GMDS: variants seen among roughly 807,000 people sequenced by gnomAD.
The protein encoded by GMDS is GDP-mannose 4,6-dehydratase, also known as GDP-mannose 4,6 dehydratase.
Under a neutral mutation model 49.9 loss-of-function variants are expected in GMDS, and 20 were observed. The observed-to-expected ratio is 0.40, with a 90% CI of 0.28 to 0.58. The LOEUF (loss-of-function observed/expected upper bound fraction) is 0.58, where lower values mean the gene tolerates loss of function less well. Ranked by LOEUF, GMDS falls within the 20% of genes least tolerant of loss-of-function variation. The probability of loss-of-function intolerance (pLI) is 0.42; values close to 1 mark genes in which losing one functional copy is unlikely to be tolerated. For missense variants in GMDS, 362 were observed against 481.4 expected, an observed-to-expected ratio of 0.75 and a Z score of 2.32; for synonymous variants, 177 against 178.6, an observed-to-expected ratio of 0.99 and a Z score of 0.07.
At chr6:1,656,133 A>T (rs564006714) in intron 9 of GMDS, among the ~76,000 whole-genome samples, 11 of 152,342 alleles carry the variant, frequency 7.2e-5, no homozygotes, top group African/African-American at 2.4e-4. Flanking sequence ...TTTTATTTAT[A>T]CAAGTTGATC....
chr6:2,016,076 A>C (rs553993032), intron 4 of GMDS, among the ~76,000 whole-genome samples: 1 of 114,888 alleles, frequency 8.7e-6, no homozygotes, highest in Non-Finnish European at 1.8e-5. Context: ...CTAAAAAAAA[A>C]AAAAATAAAT....
chr6:2,208,080 A>T (rs937541427), intron 1 of GMDS, among the ~76,000 whole-genome samples: 1 of 151,874 alleles, frequency 6.6e-6, no homozygotes, highest in Non-Finnish European at 1.5e-5. Flanking sequence ...CTCTGTTAGG[A>T]TTAGGTGAAG....
chr6:1,847,072 A>C (rs1052534575), intron 7 of GMDS, among the ~76,000 whole-genome samples: 3 of 152,098 alleles, frequency 2.0e-5, no homozygotes, highest in Admixed American at 6.5e-5. Context: ...CCCTTTTTAA[A>C]ATAAAAGACG....
rs114155726 is a variant in GMDS at position 1,806,310 on chromosome 6, G to A, written c.772-63724C>T. On this transcript the variant is annotated intron_variant, in intron 7 of 10. Coordinates refer to ENST00000380815, the MANE Select transcript of GMDS (RefSeq NM_001500.4). ...AAAGGTTCTTATAAATTGAAAACTC[G>A]GTTTTGGATTAGAGAGGCAGATTCC... Among the ~76,000 whole-genome samples, 646 of 152,162 alleles carry A rather than the reference G, an allele frequency of 4.2e-3. 2 individuals carry two copies. Among genetic ancestry groups the A allele is most frequent in the African/African-American group, 0.015 (611 of 41,502 alleles).
intron 9 of GMDS, among the ~76,000 whole-genome samples, chr6:1,677,379 A>T (rs1420953415): frequency 1.3e-5 from 2 of 152,172 alleles, no homozygotes; most frequent in Non-Finnish European, 2.9e-5. Flanking sequence ...ATTGTGGAAG[A>T]CAGTGTGGCG....
At chr6:2,046,929 C>T (rs1377551810) in intron 4 of GMDS, among the ~76,000 whole-genome samples, 1 of 152,188 alleles carries the variant, frequency 6.6e-6, no homozygotes, top group African/African-American at 2.4e-5. Context: ...TATCCCCCAA[C>T]TCCATCATAA....
At chr6:1,799,190 G>C (rs149694816) in intron 7 of GMDS, among the ~76,000 whole-genome samples, 1 of 152,292 alleles carries the variant, frequency 6.6e-6, no homozygotes, top group East Asian at 1.9e-4. Flanking sequence ...GGAGGGTGCG[G>C]GTGGTGAGGG....
At chr6:1,834,663 AAACTTATTAAACTTATATAAACTAT>A (rs1756840633) in intron 7 of GMDS, among the ~76,000 whole-genome samples, 1 of 152,228 alleles carries the variant, frequency 6.6e-6, no homozygotes, top group Non-Finnish European at 1.5e-5. Context: ...ATTTCCTATT[AAACTTATTAAACTTATATAAACTAT>A]AACTTATTAA....
At chr6:1,751,406 C>A (rs999477252) in intron 7 of GMDS, among the ~76,000 whole-genome samples, 3 of 152,240 alleles carry the variant, frequency 2.0e-5, no homozygotes, top group Admixed American at 2.0e-4. Flanking sequence ...GTTCTGCAGC[C>A]TCTGCTGGTG....
intron 1 of GMDS, among the ~76,000 whole-genome samples, chr6:2,240,421 T>C (rs1341909813): frequency 6.6e-6 from 1 of 152,122 alleles, no homozygotes; most frequent in Non-Finnish European, 1.5e-5. Flanking sequence ...GCAGAAAAGA[T>C]AAGTGACTTA....
At chr6:2,124,035 T>C (rs1775282119) in intron 2 of GMDS, among the ~76,000 whole-genome samples, 1 of 146,072 alleles carries the variant, frequency 6.8e-6, no homozygotes, top group South Asian at 2.1e-4. Context: ...CGGGCCACTG[T>C]AAAGGTTTTT....
intron 4 of GMDS, among the ~76,000 whole-genome samples, chr6:2,046,511 G>A (rs572346115): frequency 1.3e-5 from 2 of 152,208 alleles, no homozygotes; most frequent in Admixed American, 1.3e-4. Context: ...CTAGGTTGGA[G>A]GGCAGTTATG....
At chr6:2,074,661 T>C (rs1042754027) in intron 4 of GMDS, among the ~76,000 whole-genome samples, 5 of 152,168 alleles carry the variant, frequency 3.3e-5, no homozygotes. Context: ...TTAAGTCTTT[T>C]AAAAAATTAA....
At chr6:1,739,269 G>A (rs375641668) in intron 8 of GMDS, among the ~76,000 whole-genome samples, 75 of 152,346 alleles carry the variant, frequency 4.9e-4, no homozygotes, top group African/African-American at 1.7e-3. Flanking sequence ...CCTGGGGAGA[G>A]CACTGAACTG....
chr6:1,900,002 A>T (rs1409844701), intron 7 of GMDS, among the ~76,000 whole-genome samples: 6 of 152,250 alleles, frequency 3.9e-5, no homozygotes, highest in Non-Finnish European at 8.8e-5. Context: ...GACCTTCCAC[A>T]GGGCACCGTG....
At chr6:1,730,856 C>T (rs1216248362) in intron 8 of GMDS, among the ~76,000 whole-genome samples, 36 of 151,710 alleles carry the variant, frequency 2.4e-4, no homozygotes, top group Non-Finnish European at 1.2e-4. Context: ...CCAAGTATTA[C>T]GAGACAGGAA....
intron 4 of GMDS, among the ~76,000 whole-genome samples, chr6:2,067,272 G>C (rs1771666841): frequency 1.3e-5 from 2 of 152,140 alleles, no homozygotes; most frequent in Admixed American, 1.3e-4. Flanking sequence ...GCAGTATGTA[G>C]AGGGAAATTT....
chr6:1,941,912 C>T (rs1762840821), intron 6 of GMDS, among the ~76,000 whole-genome samples: 1 of 152,114 alleles, frequency 6.6e-6, no homozygotes, highest in South Asian at 2.1e-4. Flanking sequence ...TAAACACACA[C>T]CCCATCCTGA....
intron 7 of GMDS, among the ~76,000 whole-genome samples, chr6:1,918,802 T>C (rs987569537): frequency 3.3e-5 from 5 of 152,110 alleles, no homozygotes; most frequent in Non-Finnish European, 7.4e-5. Context: ...AGTCTAATAA[T>C]AGTAGAATCT....
Sources: gnomAD v4.1 joint callset for allele counts (sites outside exome capture counted in the v4.1 genomes callset) on GRCh38, gnomAD v4.1.1 for gene constraint, MANE v1.5 for transcripts, NCBI Gene and HGNC (gene_info 2026-07-23, HGNC 2026-07-21) for gene names.